The following NSUN6 variants were observed in gnomAD, a reference collection of about 807,000 sequenced individuals.
NSUN6 encodes the protein tRNA (cytosine(72)-C(5))-methyltransferase NSUN6.
NSUN6 carries 64 observed loss-of-function variants against 58.0 expected under a neutral mutation model. The ratio of observed to expected loss-of-function variants is 1.10; its 90% CI spans 0.90 to 1.36. The LOEUF (loss-of-function observed/expected upper bound fraction) is 1.36, where lower values mean the gene tolerates loss of function less well. Ranked by LOEUF, NSUN6 falls within the 40% of genes most tolerant of loss-of-function variation. The pLI is 0.00. For synonymous variants in NSUN6, 231 were observed against 193.9 expected (o/e 1.19, Z -1.59); for missense variants, 701 against 550.1 (o/e 1.27, Z -2.74).
intron 8 of NSUN6, among the ~76,000 whole-genome samples, chr10:18,572,780 C>CTCCAT (rs562532856): frequency 6.7e-6 from 1 of 149,664 alleles, no homozygotes; most frequent in Non-Finnish European, 1.5e-5. Context: ...CCATTTCAAA[C>CTCCAT]TCCATTCCAT....
chr10:18,589,943 A>G (rs1052474620), intron 7 of NSUN6, among the ~76,000 whole-genome samples: 3 of 152,220 alleles, frequency 2.0e-5, no homozygotes, highest in Non-Finnish European at 4.4e-5. Flanking sequence ...AAATGCCCCA[A>G]TTAAAAGATA....
chr10:18,611,330 T>A (rs751934229), intron 5 of NSUN6, among the ~76,000 whole-genome samples: 10 of 152,144 alleles, frequency 6.6e-5, no homozygotes, highest in Non-Finnish European at 1.2e-4. Context: ...GACAAGTTCA[T>A]AGCTAGCTTA....
At chr10:18,597,122 T>C (rs1818242633) in intron 6 of NSUN6, among the ~76,000 whole-genome samples, 1 of 152,112 alleles carries the variant, frequency 6.6e-6, no homozygotes, top group Non-Finnish European at 1.5e-5. Context: ...CCTAAATATA[T>C]ATTATGAGGT....
At position 18,581,963 on chromosome 10, in the gene NSUN6, C is replaced by T. The variant is rs2056922665; in HGVS notation, c.922+3986G>A. Reference sequence around the variant, plus strand: ...CCTGAATTCTTTCTTGCAGGAGATCCAAGAACCCTCTCCTGGGGTCTGGAT... The same window carrying T: ...CCTGAATTCTTTCTTGCAGGAGATCTAAGAACCCTCTCCTGGGGTCTGGAT... On this transcript the variant is annotated intron_variant, in intron 8 of 10. Coordinates refer to ENST00000377304, the MANE Select transcript of NSUN6 (RefSeq NM_182543.5). 2.6e-5 allele frequency among the ~76,000 whole-genome samples: 4 copies of T among 152,186 alleles called. No homozygotes were observed. The South Asian group carries it at 8.3e-4, about 32-fold the overall frequency.
At chr10:18,629,947 A>C (rs2131469236) in intron 3 of NSUN6, among the ~76,000 whole-genome samples, 1 of 150,806 alleles carries the variant, frequency 6.6e-6, no homozygotes, top group Admixed American at 6.6e-5. Flanking sequence ...TCAACAGAAT[A>C]TACATTTTTT....
intron 3 of NSUN6, among the ~76,000 whole-genome samples, chr10:18,617,193 T>G (rs1449307803): frequency 2.6e-5 from 4 of 151,084 alleles, no homozygotes; most frequent in Non-Finnish European, 4.4e-5. Flanking sequence ...TAGTTTTTTT[T>G]TTTTTTTTTT....
intron 6 of NSUN6, among the ~76,000 whole-genome samples, chr10:18,602,044 C>A (rs2057863117): frequency 6.6e-6 from 1 of 151,482 alleles, no homozygotes; most frequent in African/African-American, 2.4e-5. Flanking sequence ...AGGTAATTCC[C>A]CCTTCCTGGT....
intron 3 of NSUN6, among the ~76,000 whole-genome samples, chr10:18,628,032 T>G (rs1469135322): frequency 6.6e-6 from 1 of 152,234 alleles, no homozygotes; most frequent in African/African-American, 2.4e-5. Context: ...AAGAGAGCAG[T>G]GGTTCTCCCA....
chr10:18,596,160 G>A (rs1185109731), intron 7 of NSUN6, 48 bp downstream of exon 7: 1 of 1,517,618 alleles, frequency 6.6e-7, no homozygotes, highest in African/African-American at 1.4e-5. Flanking sequence ...TACACATTGT[G>A]AAATATACAC....
Position 18,651,246 on chromosome 10 carries a change from A to AC in NSUN6, c.-44dup. ...TCTCCACCAAGAGAAATGCTGGAAA[A>AC]CGGTGTTTTGTTTTTTTTTTTCTTT... is the stretch of plus-strand genomic sequence containing the variant. On this transcript the variant is annotated 5_prime_UTR_variant, in exon 1 of 11. Coordinates refer to ENST00000377304, the MANE Select transcript of NSUN6 (RefSeq NM_182543.5). The AC allele has an allele frequency of 6.6e-7, 1 of 1,503,894 alleles. No individual in the cohort carries two copies. Among genetic ancestry groups the AC allele is most frequent in the South Asian group, 1.3e-5 (1 of 77,450 alleles). The allele number at this position is 1,503,894 out of a possible 1,614,324, so 93.2% of individuals were successfully genotyped here. A position where few individuals can be genotyped will look rare whatever the true frequency, so the allele number is the denominator to read the frequency against.
intron 8 of NSUN6, among the ~76,000 whole-genome samples, chr10:18,554,457 T>C (rs1272192811): frequency 1.4e-5 from 2 of 147,300 alleles, no homozygotes; most frequent in African/African-American, 5.0e-5. Flanking sequence ...AACAATGGAA[T>C]GGGGAATGGA....
chr10:18,628,432 A>C (rs2058905628), intron 3 of NSUN6, among the ~76,000 whole-genome samples: 1 of 152,358 alleles, frequency 6.6e-6, no homozygotes, highest in Middle Eastern at 3.4e-3. Context: ...TGAGAGAAGA[A>C]GGCTTCAGAC....
chr10:18,549,028 C>T (rs1246895303), intron 9 of NSUN6, among the ~76,000 whole-genome samples: 1 of 152,158 alleles, frequency 6.6e-6, no homozygotes, highest in Non-Finnish European at 1.5e-5. Flanking sequence ...CCTACTTCAT[C>T]AACCTGCTTT....
At chr10:18,625,381 T>C (rs1292550683) in intron 3 of NSUN6, among the ~76,000 whole-genome samples, 2 of 152,034 alleles carry the variant, frequency 1.3e-5, no homozygotes, top group African/African-American at 2.4e-5. Flanking sequence ...ATGGAAGACC[T>C]ATATAACTGA....
At chr10:18,620,223 G>A (rs2058556696) in intron 3 of NSUN6, among the ~76,000 whole-genome samples, 1 of 151,952 alleles carries the variant, frequency 6.6e-6, no homozygotes, top group African/African-American at 2.4e-5. Context: ...GAGTAGCTGA[G>A]ACTACAGGCA....
At chr10:18,628,011 T>TG (rs1323642929) in intron 3 of NSUN6, among the ~76,000 whole-genome samples, 1 of 152,234 alleles carries the variant, frequency 6.6e-6, no homozygotes, top group African/African-American at 2.4e-5. Context: ...TGTCCCTGTC[T>TG]GATAGCTTTG....
intron 1 of NSUN6, among the ~76,000 whole-genome samples, chr10:18,649,724 T>C (rs2059650001): frequency 6.6e-6 from 1 of 152,086 alleles, no homozygotes. Context: ...ATACCACTGA[T>C]GAGACTCGAG....
intron 3 of NSUN6, among the ~76,000 whole-genome samples, chr10:18,626,340 G>T (rs1000398412): frequency 4.6e-5 from 7 of 151,656 alleles, no homozygotes; most frequent in African/African-American, 1.5e-4. Context: ...AGGAGCTCGA[G>T]ACCAGCCTGG....
chr10:18,564,526 C>A (rs1287043830), intron 8 of NSUN6, among the ~76,000 whole-genome samples: 1 of 150,528 alleles, frequency 6.6e-6, no homozygotes, highest in East Asian at 2.0e-4. Context: ...CACTCCATTC[C>A]ATTCCCCATT....
Sources: gnomAD v4.1 joint callset for allele counts (sites outside exome capture counted in the v4.1 genomes callset) on GRCh38, gnomAD v4.1.1 for gene constraint, MANE v1.5 for transcripts, NCBI Gene and HGNC (gene_info 2026-07-23, HGNC 2026-07-21) for gene names.